The following APC variants were observed in gnomAD, a reference collection of about 807,000 sequenced individuals.
APC encodes APC regulator of Wnt signaling pathway.
A neutral mutation model predicts 247.0 loss-of-function variants in APC; 72 were observed. The ratio of observed to expected loss-of-function variants is 0.29; its 90% confidence interval spans 0.24 to 0.35. The LOEUF is 0.35. Among genes scored for constraint, APC ranks in the 10% least tolerant of loss-of-function variants. APC has a pLI of 1.00. For synonymous variants in APC, 1,254 were observed against 1,162.5 expected, an observed-to-expected ratio of 1.08 and a Z score of -1.60; for missense variants, 3,400 against 3,360.7, an observed-to-expected ratio of 1.01 and a Z score of -0.29.
At chr5:112,751,880 A>G (rs2149725888) in intron 1 of APC, among the ~76,000 whole-genome samples, 1 of 152,102 alleles carries the variant, frequency 6.6e-6, no homozygotes, top group Middle Eastern at 3.4e-3. Context: ...CTTGGGGTTG[A>G]TAGATCATGT....
Position 112,844,531 on chromosome 5 carries a change from CA to C in APC, c.*414del, listed in dbSNP as rs397817775. The C allele has an allele frequency of 4.6e-4, 104 of 226,322 alleles. No individual in the cohort carries two copies. The Middle Eastern group carries it at 5.3e-3, about 11-fold the overall frequency. The allele number at this position is 226,322 out of a possible 1,614,324, so 14.0% of individuals were successfully genotyped here. On this transcript the variant is annotated 3_prime_UTR_variant, in exon 16 of 16. Transcript: ENST00000257430. ...CATCAGGGAAAAATTGGTATTTATG[CA>C]AAAAAAAATGTTTTTGTCCTTGTGA... is the stretch of plus-strand genomic sequence containing the variant.
chr5:112,766,388 T>A lies in APC; in HGVS notation c.198T>A (p.Ile66=), dbSNP rs2149784603. ...EDEAMASSGQ[I]DLLERLKELN... is the part of the protein sequence containing the mutation. The stretch of plus-strand genomic sequence containing the variant: ...AAGCTATGGCTTCTTCTGGACAGAT[T>A]GATTTATTAGAGCGTCTTAAAGGTA... Residue 66 remains isoleucine, a synonymous_variant, in exon 3 of 16, where the codon ATT becomes ATA. Coordinates refer to ENST00000257430, the MANE Select transcript of APC (RefSeq NM_000038.6). 6.2e-7 allele frequency: 1 copy of A among 1,611,700 alleles called. No individual in the cohort carries two copies. The highest frequency in any genetic ancestry group is 8.5e-7 in the Non-Finnish European group (1 of 1,178,014).
intron 6 of APC, among the ~76,000 whole-genome samples, chr5:112,784,508 ATACT>A (rs1217535687): frequency 6.6e-6 from 1 of 152,258 alleles, no homozygotes; most frequent in East Asian, 1.9e-4. Context: ...GCGTACAGAA[ATACT>A]TACTTTAGGG....
chr5:112,807,161 C>CA lies in APC; in HGVS notation c.834+5781dup, dbSNP rs1471433227. On this transcript the variant is annotated intron_variant, in intron 8 of 15. Coordinates refer to ENST00000257430, the MANE Select transcript of APC (RefSeq NM_000038.6). ...GAAAAAAAAAAAAAAAACGTAAAAC[C>CA]AAAGTGCTGGAACTACAGGCGTGCA... Among the ~76,000 whole-genome samples the CA allele has an allele frequency of 1.3e-4, 19 of 151,038 alleles. 1 individual carries two copies. Among genetic ancestry groups the CA allele is most frequent in the African/African-American group, 4.4e-4 (18 of 41,034 alleles).
chr5:112,727,110 A>G (rs758786830), intron 1 of APC, among the ~76,000 whole-genome samples: 3 of 151,298 alleles, frequency 2.0e-5, no homozygotes, highest in African/African-American at 4.9e-5. Flanking sequence ...TTTTGCACCA[A>G]CCTACTCTTA....
intron 1 of APC, among the ~76,000 whole-genome samples, chr5:112,727,109 A>G (rs1751830067): frequency 6.6e-6 from 1 of 151,906 alleles, no homozygotes; most frequent in Admixed American, 6.6e-5. Flanking sequence ...CTTTTGCACC[A>G]ACCTACTCTT....
intron 9 of APC, 123 bp from the exon 10 acceptor site, chr5:112,818,843 T>TTTTG: frequency 1.1e-6 from 1 of 910,656 alleles, no homozygotes; most frequent in Non-Finnish European, 1.6e-6. Context: ...TGTTTTTTTT[T>TTTTG]TGGCGGGGGG....
chr5:112,783,011 G>C (rs1045746001), intron 6 of APC, among the ~76,000 whole-genome samples: 9 of 152,026 alleles, frequency 5.9e-5, no homozygotes, highest in Admixed American at 5.2e-4. Flanking sequence ...TATTACTTTG[G>C]TTTATATGAA....
At chr5:112,794,539 A>G (rs1467807870) in intron 7 of APC, among the ~76,000 whole-genome samples, 2 of 152,150 alleles carry the variant, frequency 1.3e-5, no homozygotes, top group Non-Finnish European at 2.9e-5. Flanking sequence ...AAGACTGTCC[A>G]CTTCAAACGC....
chr5:112,839,789 C>T lies in APC; in HGVS notation c.4195C>T (p.Arg1399Cys), dbSNP rs1424719678. 3 of 1,614,036 alleles carry T rather than the reference C, an allele frequency of 1.9e-6. No individual in the cohort carries two copies. The highest frequency in any genetic ancestry group is 1.1e-5 in the South Asian group (1 of 91,048). Residue 1399 changes from arginine (R) to cysteine (C), a missense_variant, in exon 16 of 16, where the codon CGT (arginine) becomes TGT (cysteine). Coordinates refer to ENST00000257430, the MANE Select transcript of APC (RefSeq NM_000038.6). The surrounding 1 kb of genome is among the most constrained non-coding windows in gnomAD (Gnocchi z 5.0). ...CAGTTCACTTGATAGTTTTGAGAGTCGTTCGATTGCCAGCTCCGTTCAGAG... is the reference window on the plus strand; with the variant it reads ...CAGTTCACTTGATAGTTTTGAGAGTTGTTCGATTGCCAGCTCCGTTCAGAG... ...SVSSLDSFES[R>C]SIASSVQSEP...
intron 6 of APC, among the ~76,000 whole-genome samples, chr5:112,781,335 G>T (rs1421945399): frequency 6.6e-6 from 1 of 151,964 alleles, no homozygotes; most frequent in Non-Finnish European, 1.5e-5. Flanking sequence ...GAGAGATGAA[G>T]TAAGTTGTAT....
intron 7 of APC, among the ~76,000 whole-genome samples, chr5:112,795,075 G>A (rs569559520): frequency 6.6e-6 from 1 of 152,278 alleles, no homozygotes; most frequent in South Asian, 2.1e-4. Context: ...AGCCCAGGCT[G>A]GAGTGCAGTG....
Position 112,819,034 on chromosome 5 carries a change from G to C in APC, c.1002G>C (p.Leu334Phe), listed in dbSNP as rs928733098. ...THDKDDMSRT[L>F]LAMSSSQDSC... ...ATAAGGATGATATGTCGCGAACTTT[G>C]CTAGCTATGTCTAGCTCCCAAGACA... Residue 334 changes from leucine to phenylalanine, a missense_variant, in exon 10 of 16, where the codon TTG (leucine) becomes TTC (phenylalanine). Leu to Phe is a conservative substitution (Grantham distance 22, BLOSUM62 0). Coordinates refer to ENST00000257430, the MANE Select transcript of APC (RefSeq NM_000038.6). The C allele has an allele frequency of 1.2e-6, 2 of 1,614,080 alleles. No homozygotes were observed. The highest frequency in any genetic ancestry group is 8.5e-7 in the Non-Finnish European group (1 of 1,179,986).
Position 112,842,002 on chromosome 5 carries a change from T to C in APC, c.6408T>C (p.Leu2136=), listed in dbSNP as rs745528794. Reference sequence around the variant, plus strand: ...CTTCGTCTGATTCAGATTCCATCCTTTCCCTGAAATCAGGAATCTCTCTGG... The same window carrying C: ...CTTCGTCTGATTCAGATTCCATCCTCTCCCTGAAATCAGGAATCTCTCTGG... ...RQASSDSDSI[L]SLKSGISLGS... Residue 2136 remains leucine, a synonymous_variant, in exon 16 of 16, where the codon CTT becomes CTC. Transcript: ENST00000257430. The C allele has an allele frequency of 1.9e-6, 3 of 1,613,176 alleles. No individual in the cohort carries two copies. In the South Asian group the frequency reaches 3.3e-5, roughly 18 times the overall value.
Position 112,767,250 on chromosome 5 carries a change from T to C in APC, c.282T>C (p.Arg94=), listed in dbSNP as rs1485825595. The C allele has an allele frequency of 1.9e-6, 3 of 1,614,178 alleles. No individual in the cohort carries two copies. In the South Asian group the frequency reaches 3.3e-5, roughly 18 times the overall value. ...AACTGCGGTCAAAAATGTCCCTCCGTTCTTATGGAAGCCGGGAAGGATCTG... is the reference window on the plus strand; with the variant it reads ...AACTGCGGTCAAAAATGTCCCTCCGCTCTTATGGAAGCCGGGAAGGATCTG... ...GVKLRSKMSL[R]SYGSREGSVS... is the part of the protein sequence containing the mutation. The change falls in exon 4 of 16, where the codon CGT becomes CGC. Residue 94 remains arginine, a synonymous_variant. Coordinates refer to ENST00000257430, the MANE Select transcript of APC (RefSeq NM_000038.6).
At chr5:112,726,685 C>T (rs1294928973) in intron 1 of APC, among the ~76,000 whole-genome samples, 1 of 152,028 alleles carries the variant, frequency 6.6e-6, no homozygotes, top group Non-Finnish European at 1.5e-5. Context: ...CCCAGTATTT[C>T]CCTGTTTCCT....
At chr5:112,783,810 GA>G (rs1580391256) in intron 6 of APC, 1 of 330,514 alleles carries the variant, frequency 3.0e-6, no homozygotes, top group Non-Finnish European at 5.8e-6. Context: ...GAAAAGAAAA[GA>G]AAGAAAACAG....
At chr5:112,776,040 T>A (rs574644910) in intron 5 of APC, among the ~76,000 whole-genome samples, 20 of 152,192 alleles carry the variant, frequency 1.3e-4, no homozygotes, top group Non-Finnish European at 2.4e-4. Context: ...GTGTATTGAA[T>A]TGCCAAACAT....
In APC at chr5:112,841,839, A is replaced by G. The variant is rs554370603; in HGVS notation, c.6245A>G (p.Asp2082Gly). Residue 2082 changes from aspartate to glycine, a missense_variant, in exon 16 of 16, where the codon GAT becomes GGT. This residue lies in a region of APC where 1,788 missense variants were observed against 1,649.5 expected (regional missense o/e 1.08). Transcript: ENST00000257430. This position sits in a 1 kb window ranked among gnomAD's most constrained non-coding sequence, Gnocchi z 4.6. Reference sequence around the variant, plus strand: ...GAAGATCTGACACTTGATTTGAAAGATATACAGAGACCAGATTCAGAACAT... The same window carrying G: ...GAAGATCTGACACTTGATTTGAAAGGTATACAGAGACCAGATTCAGAACAT... ...LGEDLTLDLK[D>G]IQRPDSEHGL... 2.6e-5 allele frequency: 42 copies of G among 1,613,758 alleles called. No homozygotes were observed. The highest frequency in any genetic ancestry group is 3.4e-5 in the Non-Finnish European group (40 of 1,179,810).
Sources: allele counts gnomAD v4.1 joint callset (sites outside exome capture counted in the v4.1 genomes callset), GRCh38; gene constraint gnomAD v4.1.1; regional missense constraint gnomAD v4.1.1; non-coding constraint Gnocchi (gnomAD v3.1); transcripts MANE v1.5; gene names NCBI Gene and HGNC (gene_info 2026-07-23, HGNC 2026-07-21).